Variants in ADGRV1 observed in about 807,000 individuals in gnomAD.
The protein encoded by ADGRV1 is adhesion G protein-coupled receptor V1, also known as G-protein coupled receptor 98.
A neutral mutation model predicts 596.2 loss-of-function variants in ADGRV1; 359 were observed. The ratio of observed to expected loss-of-function variants is 0.60; its 90% CI spans 0.55 to 0.66. The LOEUF is 0.66. ADGRV1 is among the 30% of genes least tolerant of loss of function. The probability of loss-of-function intolerance (pLI) is 0.00; values close to 1 mark genes in which losing one functional copy is unlikely to be tolerated. For synonymous variants in ADGRV1, 2,681 were observed against 2,679.2 expected (o/e 1.00, Z -0.02); for missense variants, 7,274 against 7,575.6 (o/e 0.96, Z 1.48).
chr5:91,127,343 C>T (rs1047812313), intron 87 of ADGRV1, among the ~76,000 whole-genome samples: 1 of 151,954 alleles, frequency 6.6e-6, no homozygotes, highest in Non-Finnish European at 1.5e-5. Context: ...AGTTTGAGAC[C>T]CACCTGGGCA....
chr5:90,560,261 G>A (rs572853947), intron 1 of ADGRV1, among the ~76,000 whole-genome samples: 1 of 152,174 alleles, frequency 6.6e-6, no homozygotes, highest in Non-Finnish European at 1.5e-5. Flanking sequence ...TTTAGAAGAA[G>A]TAACCAAGAT....
chr5:91,035,378 A>C (rs1784781081), intron 85 of ADGRV1, among the ~76,000 whole-genome samples: 1 of 152,136 alleles, frequency 6.6e-6, no homozygotes. Context: ...TATTTCCCCA[A>C]GAAGAATTCT....
intron 87 of ADGRV1, among the ~76,000 whole-genome samples, chr5:91,120,333 A>G (rs1793201619): frequency 6.6e-6 from 1 of 152,112 alleles, no homozygotes; most frequent in South Asian, 2.1e-4. Context: ...GAAACCTCCT[A>G]ATTTGTGAAT....
intron 48 of ADGRV1, among the ~76,000 whole-genome samples, chr5:90,727,406 C>G (rs1483307968): frequency 1.3e-5 from 2 of 152,162 alleles, no homozygotes; most frequent in Non-Finnish European, 2.9e-5. Context: ...CTCCTCCCTA[C>G]TCCAGGTCCC....
In ADGRV1 at chr5:91,038,806, C is replaced by T. The variant is rs886177776; in HGVS notation, c.18153-33641C>T. 8.0e-4 allele frequency among the ~76,000 whole-genome samples: 121 copies of T among 152,132 alleles called. 1 individual carries two copies. Among genetic ancestry groups the T allele is most frequent in the African/African-American group, 2.7e-3 (112 of 41,446 alleles). The stretch of plus-strand genomic sequence containing the variant: ...GTAGGGAATTGAGATGTCACACTCA[C>T]CTCAATATACAGGTAGTTTTTACTT... On this transcript the variant is annotated intron_variant, in intron 85 of 89. Transcript: ENST00000405460.
rs16869016 is a variant in ADGRV1, at chr5:90,704,393, C to G, written c.8291C>G (p.Ser2764Trp). 15 of 1,557,846 alleles carry G rather than the reference C, an allele frequency of 9.6e-6. No individual in the cohort carries two copies. Among genetic ancestry groups the G allele is most frequent in the African/African-American group, 4.1e-5 (3 of 73,842 alleles). ...ATTTCTTTCTGTATGACATAGGGGT[C>G]GTTGAATACAACATTGTTTGTGCAT... The part of the protein sequence containing the change: ...FSGQLFFPEG[S>W]LNTTLFVHLL... Residue 2764 changes from serine (S) to tryptophan (W), a missense_variant, in exon 36 of 90, where the codon TCG becomes TGG. Ser to Trp is a radical substitution (Grantham distance 177, BLOSUM62 -3). Transcript: ENST00000405460.
intron 7 of ADGRV1, among the ~76,000 whole-genome samples, chr5:90,628,169 T>G (rs1240150308): frequency 1.3e-5 from 2 of 150,222 alleles, no homozygotes; most frequent in Non-Finnish European, 2.9e-5. Flanking sequence ...GAGGATTTTC[T>G]GAGTCTAGGT....
At chr5:90,855,243 A>G (rs1401560196) in intron 81 of ADGRV1, among the ~76,000 whole-genome samples, 2 of 152,226 alleles carry the variant, frequency 1.3e-5, no homozygotes, top group East Asian at 3.9e-4. Context: ...CTTAGAAAAC[A>G]TACACATAAG....
chr5:90,610,815 A>G lies in ADGRV1; in HGVS notation c.23-4020A>G, dbSNP rs183480525. On this transcript the variant is annotated intron_variant, in intron 1 of 89. Transcript: ENST00000405460. ...TATTGTCTCAGAAACTGAAAACTCT[A>G]GGATAAAGCTGGATTCAAGAGCTTA... Among the ~76,000 whole-genome samples, 8 of 152,128 alleles carry G rather than the reference A, an allele frequency of 5.3e-5. No individual in the cohort carries two copies. In the East Asian group the frequency reaches 5.8e-4, roughly 11 times the overall value.
intron 87 of ADGRV1, among the ~76,000 whole-genome samples, chr5:91,138,453 T>C (rs1794825251): frequency 6.6e-6 from 1 of 152,190 alleles, no homozygotes; most frequent in Admixed American, 6.5e-5. Context: ...CTTAGTGTTT[T>C]GCTAATAAAT....
At chr5:91,065,525 G>A (rs1787809887) in intron 85 of ADGRV1, among the ~76,000 whole-genome samples, 2 of 152,130 alleles carry the variant, frequency 1.3e-5, no homozygotes, top group African/African-American at 2.4e-5. Context: ...CTCATGCACA[G>A]GGAGTTCCCA....
At chr5:90,637,686 A>G in intron 10 of ADGRV1, 39 bp from the exon 11 acceptor site, 2 of 1,398,358 alleles carry the variant, frequency 1.4e-6, no homozygotes, top group Non-Finnish European at 9.7e-7. Context: ...CTGAACATAT[A>G]TTTTAGAAGA....
chr5:90,989,261 T>C (rs1780766403), intron 85 of ADGRV1, among the ~76,000 whole-genome samples: 1 of 152,180 alleles, frequency 6.6e-6, no homozygotes, highest in Non-Finnish European at 1.5e-5. Flanking sequence ...CCACCAACAG[T>C]GTAAAAGTGT....
intron 85 of ADGRV1, among the ~76,000 whole-genome samples, chr5:91,000,668 C>CTG (rs6149110): frequency 0.11 from 15,077 of 141,112 alleles, 763 homozygotes; most frequent in African/African-American, 0.13. Flanking sequence ...CTTACAGGAT[C>CTG]TGTGTGTGTG....
At chr5:90,988,135 G>A (rs146140326) in intron 85 of ADGRV1, among the ~76,000 whole-genome samples, 2 of 152,184 alleles carry the variant, frequency 1.3e-5, no homozygotes, top group East Asian at 1.9e-4. Context: ...TACAAGATTG[G>A]CCTGTCAATG....
chr5:91,136,115 G>A (rs1386459903), intron 87 of ADGRV1, among the ~76,000 whole-genome samples: 1 of 152,248 alleles, frequency 6.6e-6, no homozygotes, highest in Non-Finnish European at 1.5e-5. Flanking sequence ...AGAATCTGAG[G>A]CAGGGAGTGG....
At chr5:91,059,977 T>C (rs533704019) in intron 85 of ADGRV1, among the ~76,000 whole-genome samples, 4 of 152,254 alleles carry the variant, frequency 2.6e-5, no homozygotes, top group African/African-American at 9.6e-5. Context: ...CATTTTTATG[T>C]ACTAACCCAT....
intron 45 of ADGRV1, among the ~76,000 whole-genome samples, chr5:90,724,346 C>T (rs1256589662): frequency 6.6e-6 from 1 of 152,140 alleles, no homozygotes; most frequent in African/African-American, 2.4e-5. Flanking sequence ...TCTCGTGCCT[C>T]AGCCATCCGA....
intron 1 of ADGRV1, among the ~76,000 whole-genome samples, chr5:90,578,974 G>A (rs1001834664): frequency 9.9e-5 from 15 of 151,906 alleles, no homozygotes; most frequent in Non-Finnish European, 1.9e-4. Context: ...TTTTTATTGA[G>A]TCTATTTGAT....
Sources: gnomAD v4.1 joint callset for allele counts (sites outside exome capture counted in the v4.1 genomes callset) on GRCh38, gnomAD v4.1.1 for gene constraint, MANE v1.5 for transcripts, NCBI Gene and HGNC (gene_info 2026-07-23, HGNC 2026-07-21) for gene names.